Variants in CCDC178 observed in about 807,000 individuals in gnomAD.
The protein encoded by CCDC178 is coiled-coil domain containing 178.
In CCDC178, 126 loss-of-function variants were observed where a neutral mutation model predicts 117.4. The observed-to-expected ratio is 1.07, with a 90% CI of 0.93 to 1.24. The LOEUF (loss-of-function observed/expected upper bound fraction) is 1.24. Ranked by LOEUF, CCDC178 falls within the 50% of genes most tolerant of loss-of-function variation. CCDC178 has a pLI of 0.00. For synonymous variants in CCDC178, 283 were observed against 313.4 expected (o/e 0.90, Z 1.02); for missense variants, 1,030 against 986.9 (o/e 1.04, Z -0.59).
chr18:33,128,939 T>G (rs535944060), intron 20 of CCDC178, among the ~76,000 whole-genome samples: 94 of 152,264 alleles, frequency 6.2e-4, no homozygotes, highest in African/African-American at 2.2e-3. Context: ...GAGAAAATCT[T>G]AACACAACTG....
chr18:33,340,225 C>A (rs2062798695), intron 9 of CCDC178, among the ~76,000 whole-genome samples: 1 of 152,014 alleles, frequency 6.6e-6, no homozygotes. Flanking sequence ...GCATTTTGCC[C>A]CTGCCCCAGA....
chr18:33,243,637 C>T (rs1375951179), intron 15 of CCDC178, among the ~76,000 whole-genome samples: 5 of 151,820 alleles, frequency 3.3e-5, no homozygotes, highest in Non-Finnish European at 7.4e-5. Context: ...TCTGTAAGTT[C>T]TATTTTATGG....
chr18:33,344,971 T>A (rs986303134), intron 9 of CCDC178, among the ~76,000 whole-genome samples: 8 of 152,122 alleles, frequency 5.3e-5, no homozygotes, highest in Admixed American at 2.6e-4. Flanking sequence ...AAAGTTCTAA[T>A]CTTTTCTTGC....
intron 9 of CCDC178, among the ~76,000 whole-genome samples, chr18:33,344,161 G>A (rs886430704): frequency 6.0e-5 from 9 of 150,608 alleles, no homozygotes; most frequent in East Asian, 5.8e-4. Context: ...AAAATTAGCC[G>A]GGCGCGGTGG....
intron 21 of CCDC178, among the ~76,000 whole-genome samples, chr18:33,075,707 G>A (rs1003464444): frequency 1.3e-5 from 2 of 152,124 alleles, no homozygotes; most frequent in African/African-American, 2.4e-5. Context: ...TGTGGCTCAT[G>A]CCTGTAATCC....
At chr18:33,347,682 G>A (rs1052205315) in intron 8 of CCDC178, among the ~76,000 whole-genome samples, 3 of 152,018 alleles carry the variant, frequency 2.0e-5, no homozygotes, top group African/African-American at 7.2e-5. Flanking sequence ...TGGAATATAT[G>A]AATAAATTAA....
chr18:33,244,180 G>A (rs2059520090), intron 15 of CCDC178, among the ~76,000 whole-genome samples: 1 of 151,974 alleles, frequency 6.6e-6, no homozygotes, highest in Non-Finnish European at 1.5e-5. Context: ...AGTATTCATT[G>A]ACGATAATGC....
Position 33,347,189 on chromosome 18 carries a change from T to C in CCDC178, c.458-778A>G, listed in dbSNP as rs145166558. Among the ~76,000 whole-genome samples the C allele has an allele frequency of 2.0e-5, 3 of 152,252 alleles. No individual in the cohort carries two copies. In the East Asian group the frequency reaches 5.8e-4, roughly 29 times the overall value. The stretch of plus-strand genomic sequence containing the variant: ...AACACTGACTTTTGCCAAAATGTTA[T>C]ATAAACACATAAATACAAAGTGTTA... On this transcript the variant is annotated intron_variant, in intron 8 of 22. Transcript: ENST00000383096.
At chr18:33,388,193 T>G (rs543833562) in intron 5 of CCDC178, among the ~76,000 whole-genome samples, 1 of 152,202 alleles carries the variant, frequency 6.6e-6, no homozygotes, top group East Asian at 1.9e-4. Context: ...AGAATGGCAA[T>G]TATTAAAAAG....
At chr18:32,956,532 T>A (rs368225961) in intron 22 of CCDC178, 2 of 152,190 alleles carry the variant, frequency 1.3e-5, no homozygotes, top group African/African-American at 4.8e-5. Flanking sequence ...TAATAAATCA[T>A]GTAAAATTAT....
chr18:33,058,731 T>C (rs1441566549), intron 21 of CCDC178, among the ~76,000 whole-genome samples: 3 of 152,190 alleles, frequency 2.0e-5, no homozygotes. Flanking sequence ...ACAAATTCTT[T>C]CATATTCAGG....
At chr18:32,995,478 T>G (rs1909896527) in intron 21 of CCDC178, among the ~76,000 whole-genome samples, 1 of 152,118 alleles carries the variant, frequency 6.6e-6, no homozygotes, top group Non-Finnish European at 1.5e-5. Context: ...TACATCAGAT[T>G]TATTAAAGCC....
chr18:33,261,305 G>A (rs1022392685), intron 14 of CCDC178, among the ~76,000 whole-genome samples: 3 of 151,932 alleles, frequency 2.0e-5, no homozygotes, highest in East Asian at 3.9e-4. Flanking sequence ...GGATGGTCTC[G>A]ATCTCCTGAC....
At chr18:33,356,684 TAAGATAAACAAAA>T (rs2063061869) in intron 6 of CCDC178, among the ~76,000 whole-genome samples, 1 of 152,026 alleles carries the variant, frequency 6.6e-6, no homozygotes, top group Non-Finnish European at 1.5e-5. Flanking sequence ...ACAGAAATCT[TAAGATAAACAAAA>T]AAGACTCTTT....
At chr18:33,230,479 T>C (rs2059357039) in intron 15 of CCDC178, among the ~76,000 whole-genome samples, 1 of 152,192 alleles carries the variant, frequency 6.6e-6, no homozygotes, top group Non-Finnish European at 1.5e-5. Context: ...TAGCACTTTG[T>C]CTGTTATATA....
At chr18:33,145,749 G>C (rs901042478) in intron 20 of CCDC178, among the ~76,000 whole-genome samples, 2 of 152,180 alleles carry the variant, frequency 1.3e-5, no homozygotes, top group African/African-American at 4.8e-5. Flanking sequence ...CTACTGTCAA[G>C]GAGACCATGA....
chr18:33,257,727 C>G (rs1411726977), intron 14 of CCDC178, among the ~76,000 whole-genome samples: 3 of 152,118 alleles, frequency 2.0e-5, no homozygotes. Context: ...TCTGCCTACA[C>G]TCTCTTTTTA....
At chr18:33,185,880 A>G (rs868683540) in intron 20 of CCDC178, among the ~76,000 whole-genome samples, 10 of 152,094 alleles carry the variant, frequency 6.6e-5, no homozygotes, top group Middle Eastern at 3.4e-3. Context: ...GGTTCACCAG[A>G]ATATCTCTAG....
At chr18:33,221,393 A>T (rs1448671412) in intron 18 of CCDC178, among the ~76,000 whole-genome samples, 1 of 152,098 alleles carries the variant, frequency 6.6e-6, no homozygotes, top group Non-Finnish European at 1.5e-5. Flanking sequence ...AAAGCTCAGT[A>T]AAAGAGGGAA....
Sources: allele counts gnomAD v4.1 joint callset (sites outside exome capture counted in the v4.1 genomes callset), GRCh38; gene constraint gnomAD v4.1.1; transcripts MANE v1.5; gene names NCBI Gene and HGNC (gene_info 2026-07-23, HGNC 2026-07-21).